Variants in ACSS3 observed in about 807,000 individuals in gnomAD.
The protein encoded by ACSS3 is acyl-CoA synthetase short-chain family member 3, mitochondrial.
Under a neutral mutation model 84.2 loss-of-function variants are expected in ACSS3, and 64 were observed. That is an observed-to-expected ratio of 0.76 (90% confidence interval 0.62 to 0.94). ACSS3 has a LOEUF of 0.94. Ranked by LOEUF, ACSS3 falls within the 40% of genes least tolerant of loss-of-function variation. The probability of loss-of-function intolerance (pLI) is 0.00; values close to 1 mark genes in which losing one functional copy is unlikely to be tolerated. For synonymous variants in ACSS3, 317 were observed against 310.1 expected (o/e 1.02, Z -0.23); for missense variants, 815 against 867.6 (o/e 0.94, Z 0.76).
At chr12:81,235,833 T>C (rs2033614491) in intron 13 of ACSS3, among the ~76,000 whole-genome samples, 1 of 151,556 alleles carries the variant, frequency 6.6e-6, no homozygotes, top group Non-Finnish European at 1.5e-5. Context: ...ACCTATGATC[T>C]TGTTTAACTT....
At chr12:81,241,664 C>A (rs1355843616) in intron 13 of ACSS3, among the ~76,000 whole-genome samples, 2 of 152,042 alleles carry the variant, frequency 1.3e-5, no homozygotes, top group East Asian at 3.9e-4. Context: ...ATATGCTTCA[C>A]CCACTTTTTG....
Position 81,177,530 on chromosome 12 carries a change from C to T in ACSS3, c.1250+2591C>T, listed in dbSNP as rs576504420. Among the ~76,000 whole-genome samples, 120 of 152,110 alleles carry T rather than the reference C, an allele frequency of 7.9e-4. 1 individual carries two copies. Among genetic ancestry groups the T allele is most frequent in the African/African-American group, 2.7e-3 (114 of 41,498 alleles). ...CTACCATCACAGTGAACAGGCAACCCACAAAATGGGAGAAAATTTTCACAA... is the reference window on the plus strand; with the variant it reads ...CTACCATCACAGTGAACAGGCAACCTACAAAATGGGAGAAAATTTTCACAA... On this transcript the variant is annotated intron_variant, in intron 8 of 15. Transcript: ENST00000548058.
rs762606244 is a variant in ACSS3 at position 81,213,558 on chromosome 12, C to CCTCCT, written c.1355-3321_1355-3317dup. Among the ~76,000 whole-genome samples the CCTCCT allele has an allele frequency of 3.9e-3, 435 of 112,882 alleles. 27 individuals are homozygous for CCTCCT. Among genetic ancestry groups the CCTCCT allele is most frequent in the Non-Finnish European group, 4.9e-3 (262 of 53,728 alleles). 74.1% of individuals were successfully genotyped at this position (112,882 alleles called of 152,430 possible). A position where few individuals can be genotyped will look rare whatever the true frequency, so the allele number is the denominator to read the frequency against. On this transcript the variant is annotated intron_variant, in intron 9 of 15. Transcript: ENST00000548058. ...CAAGTCACTAGCAATAGTTCTCTTT[C>CCTCCT]CTCCTCTCCTCTCCTCTCCTCTCCT...
chr12:81,110,728 G>A (rs757699502), intron 2 of ACSS3, among the ~76,000 whole-genome samples: 23 of 152,268 alleles, frequency 1.5e-4, no homozygotes, highest in African/African-American at 3.6e-4. Flanking sequence ...GAGTTGTGAC[G>A]TCTGCGCACA....
At chr12:81,204,117 G>A (rs560426243) in intron 9 of ACSS3, among the ~76,000 whole-genome samples, 1 of 152,142 alleles carries the variant, frequency 6.6e-6, no homozygotes, top group South Asian at 2.1e-4. Flanking sequence ...GCAGTGCATG[G>A]TGGCCTTCGT....
chr12:81,228,908 A>G (rs1430417257), intron 11 of ACSS3, among the ~76,000 whole-genome samples: 2 of 151,718 alleles, frequency 1.3e-5, no homozygotes, highest in African/African-American at 4.8e-5. Context: ...TGTTTAATAT[A>G]TATTTTTTGA....
At chr12:81,187,007 A>T (rs761680002) in intron 8 of ACSS3, among the ~76,000 whole-genome samples, 1 of 151,840 alleles carries the variant, frequency 6.6e-6, no homozygotes, top group African/African-American at 2.4e-5. Context: ...CATATATGCA[A>T]TGGAATACCA....
In ACSS3 at chr12:81,238,123, G is replaced by A. The variant is rs987024158; in HGVS notation, c.1719+4652G>A. Among the ~76,000 whole-genome samples, 6 of 151,640 alleles carry A rather than the reference G, an allele frequency of 4.0e-5. No homozygotes were observed. In the Admixed American group the frequency reaches 4.0e-4, roughly 10 times the overall value. On this transcript the variant is annotated intron_variant, in intron 13 of 15. Coordinates refer to ENST00000548058, the MANE Select transcript of ACSS3 (RefSeq NM_024560.4). The stretch of plus-strand genomic sequence containing the variant: ...TTTCTGCATGTACTGATATGATCAT[G>A]TAATTTTTCTTCTTCAGCCTATTGA...
intron 2 of ACSS3, among the ~76,000 whole-genome samples, chr12:81,121,267 G>A (rs4240725): frequency 0.52 from 78,989 of 151,968 alleles, 20,874 homozygotes; most frequent in East Asian, 0.67. Context: ...ATGTACTGCC[G>A]GTGGAAGTGC....
chr12:81,247,462 T>C (rs1247998387), intron 13 of ACSS3, among the ~76,000 whole-genome samples: 2 of 152,082 alleles, frequency 1.3e-5, no homozygotes, highest in Admixed American at 6.6e-5. Flanking sequence ...GCAGTTAAAA[T>C]GGAAAAAGAG....
At chr12:81,228,816 T>C (rs918948498) in intron 11 of ACSS3, among the ~76,000 whole-genome samples, 3 of 151,660 alleles carry the variant, frequency 2.0e-5, no homozygotes, top group South Asian at 2.1e-4. Context: ...CAGTTAGGAG[T>C]CTTTGCTGTG....
intron 2 of ACSS3, among the ~76,000 whole-genome samples, chr12:81,111,317 A>G (rs1215968996): frequency 2.0e-5 from 3 of 152,122 alleles, no homozygotes; most frequent in African/African-American, 7.2e-5. Context: ...CTGAACCCCT[A>G]TTGACTCCAG....
chr12:81,231,758 T>C lies in ACSS3; in HGVS notation c.1596+620T>C, dbSNP rs544261742. Among the ~76,000 whole-genome samples, 260 of 151,924 alleles carry C rather than the reference T, an allele frequency of 1.7e-3. 1 individual carries two copies. Among genetic ancestry groups the C allele is most frequent in the Non-Finnish European group, 3.2e-3 (215 of 67,848 alleles). ...TCACATTCTGTCATTGTGTGAAACT[T>C]GTTACTCCATGCCATGGTGATGTGT... On this transcript the variant is annotated intron_variant, in intron 12 of 15. Transcript: ENST00000548058.
chr12:81,163,655 C>T (rs934586522), intron 7 of ACSS3, among the ~76,000 whole-genome samples: 3 of 152,150 alleles, frequency 2.0e-5, no homozygotes, highest in African/African-American at 4.8e-5. Context: ...CCTAGTAGAG[C>T]TTCCAGTGAG....
rs1233989689 is a variant in ACSS3 at position 81,134,860 on chromosome 12, A to G, written c.501A>G (p.Lys167=). The change falls in exon 3 of 16, where the codon AAA becomes AAG. Residue 167 remains lysine, a synonymous_variant. Transcript: ENST00000548058. ...AGVLVKHGIK[K]GDTVVIYMPM... ...TCTTGGTCAAGCATGGCATCAAGAAAGGTGACACTGTGGTTATCTACATGC... is the reference window on the plus strand; with the variant it reads ...TCTTGGTCAAGCATGGCATCAAGAAGGGTGACACTGTGGTTATCTACATGC... 9 of 1,591,068 alleles carry G rather than the reference A, an allele frequency of 5.7e-6. No homozygotes were observed. The highest frequency in any genetic ancestry group is 7.7e-6 in the Non-Finnish European group (9 of 1,166,764).
intron 5 of ACSS3, among the ~76,000 whole-genome samples, chr12:81,150,394 A>G (rs1189111042): frequency 6.6e-6 from 1 of 152,246 alleles, no homozygotes; most frequent in Non-Finnish European, 1.5e-5. Context: ...GATTAATATC[A>G]GATTCATCAA....
intron 7 of ACSS3, among the ~76,000 whole-genome samples, chr12:81,172,038 A>G (rs1247444772): frequency 4.6e-5 from 7 of 152,156 alleles, no homozygotes; most frequent in Non-Finnish European, 1.0e-4. Flanking sequence ...GGCCGAAGGC[A>G]GGCGGATTGC....
intron 1 of ACSS3, among the ~76,000 whole-genome samples, chr12:81,101,093 A>G (rs1259467351): frequency 6.6e-6 from 1 of 152,226 alleles, no homozygotes; most frequent in Non-Finnish European, 1.5e-5. Context: ...TTGAGAAAAT[A>G]AAAGGCAGAA....
At chr12:81,151,670 T>C (rs1746270236) in intron 5 of ACSS3, 174 bp from the exon 6 acceptor site, 2 of 544,028 alleles carry the variant, frequency 3.7e-6, no homozygotes, top group African/African-American at 3.8e-5. Flanking sequence ...TTGTGTTGAC[T>C]ATTGAAGGAC....
Sources: allele counts gnomAD v4.1 joint callset (sites outside exome capture counted in the v4.1 genomes callset), GRCh38; gene constraint gnomAD v4.1.1; transcripts MANE v1.5; gene names NCBI Gene and HGNC (gene_info 2026-07-23, HGNC 2026-07-21).